CLHC1: variants seen among roughly 807,000 people sequenced by gnomAD.
The protein encoded by CLHC1 is clathrin heavy chain linker domain containing 1.
Under a neutral mutation model 69.5 loss-of-function variants are expected in CLHC1, and 72 were observed. That is an observed-to-expected ratio of 1.04 (90% CI 0.86 to 1.26). The LOEUF (loss-of-function observed/expected upper bound fraction) is 1.26. Ranked by LOEUF, CLHC1 falls within the 50% of genes most tolerant of loss-of-function variation. The pLI, the probability that CLHC1 is intolerant of heterozygous loss-of-function variation, is 0.00. For missense variants in CLHC1, 790 were observed against 679.3 expected, an observed-to-expected ratio of 1.16 and a Z score of -1.81; for synonymous variants, 223 against 224.3, an observed-to-expected ratio of 0.99 and a Z score of 0.05.
chr2:55,218,925 C>T lies in CLHC1; in HGVS notation c.178-927G>A, dbSNP rs549438508. ...CATCTCTAGCCTCTGGTATCCCCCA[C>T]TGGCTTTCTTTACCTAGGCAATATC... is the stretch of plus-strand genomic sequence containing the variant. On this transcript the variant is annotated intron_variant, in intron 3 of 12. Transcript: ENST00000401408. 6.6e-5 allele frequency among the ~76,000 whole-genome samples: 10 copies of T among 152,224 alleles called. No homozygotes were observed. In the South Asian group the frequency reaches 2.1e-3, roughly 32 times the overall value.
intron 1 of CLHC1, among the ~76,000 whole-genome samples, chr2:55,231,001 C>T (rs1364618674): frequency 6.6e-6 from 1 of 152,074 alleles, no homozygotes; most frequent in Non-Finnish European, 1.5e-5. Flanking sequence ...TGTAATCTCA[C>T]CACTTTGGGA....
intron 10 of CLHC1, 130 bp downstream of exon 10, chr2:55,181,440 T>C: frequency 1.4e-6 from 1 of 730,862 alleles, no homozygotes; most frequent in Non-Finnish European, 2.2e-6. Context: ...CTAAACACTT[T>C]CTGATTAATT....
chr2:55,227,871 C>G (rs979091345), intron 2 of CLHC1, among the ~76,000 whole-genome samples, 161 bp downstream of exon 2: 2 of 151,970 alleles, frequency 1.3e-5, no homozygotes, highest in Non-Finnish European at 2.9e-5. Context: ...CAAATTTACT[C>G]TCTTCATGTC....
intron 1 of CLHC1, among the ~76,000 whole-genome samples, chr2:55,229,079 A>G (rs1674992076): frequency 7.1e-6 from 1 of 140,278 alleles, no homozygotes; most frequent in African/African-American, 2.6e-5. Context: ...TGGACCAGAG[A>G]GGTGGAGGTT....
Position 55,212,748 on chromosome 2 carries a change from G to T in CLHC1, c.424C>A (p.Gln142Lys), listed in dbSNP as rs769749936. Residue 142 changes from glutamine to lysine, a missense_variant, in exon 5 of 13, where the codon CAG becomes AAG. By Grantham distance (53) the Gln-to-Lys change is moderately conservative (BLOSUM62 1). Coordinates refer to ENST00000401408, the MANE Select transcript of CLHC1 (RefSeq NM_152385.4). ...KIQSQIDHIK[Q>K]CRAEYDTKEV... ...TTTGTGTCATACTCTGCCCTACACTGCTTGATGTGATCTATTTGAGATTGA... is the reference window on the plus strand; with the variant it reads ...TTTGTGTCATACTCTGCCCTACACTTCTTGATGTGATCTATTTGAGATTGA... 3 of 1,596,350 alleles carry T rather than the reference G, an allele frequency of 1.9e-6. No individual in the cohort carries two copies. The highest frequency in any genetic ancestry group is 2.6e-6 in the Non-Finnish European group (3 of 1,164,030).
At position 55,175,723 on chromosome 2, in the gene CLHC1, A is replaced by G. The variant is rs1173828689; in HGVS notation, c.*67T>C. 9.3e-7 allele frequency: 1 copy of G among 1,077,094 alleles called. No individual in the cohort carries two copies. The highest frequency in any genetic ancestry group is 1.4e-6 in the Non-Finnish European group (1 of 735,808). The allele number at this position is 1,077,094 out of a possible 1,614,324, so 66.7% of individuals were successfully genotyped here. A position where few individuals can be genotyped will look rare whatever the true frequency, so the allele number is the denominator to read the frequency against. ...TTATTTATAAGTTAGTTACGTTAAA[A>G]TCAGTTTTTCCCAACCAGCATACAT... On this transcript the variant is annotated 3_prime_UTR_variant, in exon 13 of 13. Transcript: ENST00000401408.
chr2:55,221,732 C>A (rs1674138673), intron 3 of CLHC1, among the ~76,000 whole-genome samples: 1 of 152,188 alleles, frequency 6.6e-6, no homozygotes, highest in Non-Finnish European at 1.5e-5. Flanking sequence ...AATCCCAGCA[C>A]TTTGGGAGGC....
chr2:55,189,753 G>A (rs1434960786), intron 9 of CLHC1, among the ~76,000 whole-genome samples: 2 of 152,216 alleles, frequency 1.3e-5, no homozygotes, highest in East Asian at 3.8e-4. Context: ...ACATACCGGT[G>A]AGGAAGCTAC....
chr2:55,218,621 A>G (rs1673810426), intron 3 of CLHC1: 1 of 152,224 alleles, frequency 6.6e-6, no homozygotes, highest in Admixed American at 6.5e-5. Context: ...GGACAGGAGA[A>G]GTAGAATCTG....
chr2:55,194,854 T>C (rs1671250200), intron 9 of CLHC1, among the ~76,000 whole-genome samples: 1 of 151,264 alleles, frequency 6.6e-6, no homozygotes, highest in African/African-American at 2.4e-5. Context: ...CCATTACCTC[T>C]GTGTGTGTGT....
intron 1 of CLHC1, among the ~76,000 whole-genome samples, chr2:55,231,739 A>G (rs74450359): frequency 1.3e-5 from 2 of 152,210 alleles, no homozygotes; most frequent in African/African-American, 4.8e-5. Context: ...TACATACTCC[A>G]AAAACTTCCT....
At chr2:55,187,153 C>CA (rs1670490905) in intron 9 of CLHC1, among the ~76,000 whole-genome samples, 5 of 152,016 alleles carry the variant, frequency 3.3e-5, no homozygotes, top group Non-Finnish European at 5.9e-5. Flanking sequence ...GGCATGGTGG[C>CA]ATGCACCTGT....
At chr2:55,224,368 A>T in intron 2 of CLHC1, 1 of 443,512 alleles carries the variant, frequency 2.3e-6, no homozygotes, top group Non-Finnish European at 4.6e-6. Flanking sequence ...CTTGGGGCAG[A>T]AGCTCCCCCG....
intron 10 of CLHC1, 78 bp from the exon 11 acceptor site, chr2:55,180,790 G>T: frequency 8.7e-7 from 1 of 1,153,916 alleles, no homozygotes; most frequent in Non-Finnish European, 1.3e-6. Context: ...TGAAAATTCA[G>T]CACAGTAGGA....
Position 55,208,699 on chromosome 2 carries a change from T to C in CLHC1, c.826A>G (p.Ile276Val). The C allele has an allele frequency of 1.9e-6, 3 of 1,609,654 alleles. No homozygotes were observed. The highest frequency in any genetic ancestry group is 2.6e-6 in the Non-Finnish European group (3 of 1,176,062). The change falls in exon 8 of 13, where the codon ATT becomes GTT. Residue 276 changes from isoleucine to valine, a missense_variant. By Grantham distance (29) the Ile-to-Val change is conservative (BLOSUM62 3). Coordinates refer to ENST00000401408, the MANE Select transcript of CLHC1 (RefSeq NM_152385.4). The stretch of plus-strand genomic sequence containing the variant: ...TCATCTTCCATTAGTTCTTCAACAA[T>C]GCCTTGGTCACCTGTAAATATTGAA... The part of the protein sequence containing the change: ...KTKYLQGDQG[I>V]VEELMEDDPR...
chr2:55,202,524 C>A (rs1409361903), intron 9 of CLHC1, among the ~76,000 whole-genome samples: 2 of 150,446 alleles, frequency 1.3e-5, no homozygotes, highest in Non-Finnish European at 3.0e-5. Flanking sequence ...CCATTGCACT[C>A]CAGCCTGGGG....
Position 55,217,847 on chromosome 2 carries a change from A to G in CLHC1, c.329T>C (p.Val110Ala). Residue 110 changes from valine (V) to alanine (A), a missense_variant, in exon 4 of 13, where the codon GTA (valine) becomes GCA (alanine). Coordinates refer to ENST00000401408, the MANE Select transcript of CLHC1 (RefSeq NM_152385.4). ...TTGGATTGTTCTTTTCCTGTAATATACCAAAGCTGTAGGCTCTGCTGCCAA... is the reference window on the plus strand; with the variant it reads ...TTGGATTGTTCTTTTCCTGTAATATGCCAAAGCTGTAGGCTCTGCTGCCAA... ...KGLAAEPTAL[V>A]YYRKRTIQLE... is the part of the protein sequence containing the mutation. 1 of 1,595,844 alleles carries G rather than the reference A, an allele frequency of 6.3e-7. No homozygotes were observed. Among genetic ancestry groups the G allele is most frequent in the Non-Finnish European group, 8.5e-7 (1 of 1,173,920 alleles).
intron 5 of CLHC1, among the ~76,000 whole-genome samples, chr2:55,211,399 G>A (rs555957785): frequency 2.6e-5 from 4 of 151,602 alleles, no homozygotes; most frequent in South Asian, 2.1e-4. Context: ...CTACTCAGGA[G>A]GCTGAGGCAA....
intron 4 of CLHC1, among the ~76,000 whole-genome samples, chr2:55,213,409 C>G (rs1673193661): frequency 6.6e-6 from 1 of 152,180 alleles, no homozygotes; most frequent in South Asian, 2.1e-4. Flanking sequence ...CATTTATGAT[C>G]ATATTTAGGG....
Sources: allele counts gnomAD v4.1 joint callset (sites outside exome capture counted in the v4.1 genomes callset), GRCh38; gene constraint gnomAD v4.1.1; transcripts MANE v1.5; gene names NCBI Gene and HGNC (gene_info 2026-07-23, HGNC 2026-07-21).